Variants in ESRRG observed in about 807,000 individuals in gnomAD.
The protein encoded by ESRRG is estrogen related receptor gamma.
In ESRRG, 13 loss-of-function variants were observed where a neutral mutation model predicts 44.0. The ratio of observed to expected loss-of-function variants is 0.30; its 90% CI spans 0.19 to 0.47. The LOEUF (loss-of-function observed/expected upper bound fraction) is 0.47. ESRRG is among the 20% of genes least tolerant of loss of function. The pLI is 1.00. For synonymous variants in ESRRG, 215 were observed against 214.6 expected (o/e 1.00, Z -0.02); for missense variants, 395 against 580.6 (o/e 0.68, Z 3.29).
chr1:216,870,716 G>T (rs1202593007), intron 2 of ESRRG, among the ~76,000 whole-genome samples: 1 of 151,936 alleles, frequency 6.6e-6, no homozygotes, highest in East Asian at 1.9e-4. Context: ...TATCTTGGTA[G>T]TACTTCATGA....
At chr1:217,035,098 A>G (rs2082651254) in intron 1 of ESRRG, among the ~76,000 whole-genome samples, 2 of 152,154 alleles carry the variant, frequency 1.3e-5, no homozygotes, top group South Asian at 4.1e-4. Flanking sequence ...AGATTTCCTT[A>G]CAGGACTTGG....
At chr1:216,964,030 C>T (rs2069710611) in intron 1 of ESRRG, among the ~76,000 whole-genome samples, 1 of 152,118 alleles carries the variant, frequency 6.6e-6, no homozygotes, top group South Asian at 2.1e-4. Context: ...GCAGACAGAA[C>T]AGCAGATGCA....
intron 2 of ESRRG, among the ~76,000 whole-genome samples, chr1:216,734,294 G>A (rs2089457265): frequency 6.6e-6 from 1 of 152,106 alleles, no homozygotes; most frequent in African/African-American, 2.4e-5. Flanking sequence ...CATTGATATG[G>A]TTTGGCTATT....
chr1:216,979,306 C>G (rs1377552965), intron 1 of ESRRG, among the ~76,000 whole-genome samples: 1 of 152,112 alleles, frequency 6.6e-6, no homozygotes, highest in South Asian at 2.1e-4. Context: ...CCTCCCAACT[C>G]TCAACTAACT....
chr1:216,989,434 A>G (rs942620463), intron 1 of ESRRG, among the ~76,000 whole-genome samples: 6 of 151,616 alleles, frequency 4.0e-5, no homozygotes, highest in Non-Finnish European at 7.4e-5. Context: ...TCTCAAAAAA[A>G]AAAAAAAAAA....
At chr1:216,542,171 G>T (rs926387795) in intron 5 of ESRRG, among the ~76,000 whole-genome samples, 13 of 151,002 alleles carry the variant, frequency 8.6e-5, no homozygotes, top group Non-Finnish European at 1.8e-4. Context: ...CTTTTCATCT[G>T]GTTTATAAAG....
At chr1:216,719,130 C>T (rs1309379934) in intron 1 of ESRRG, among the ~76,000 whole-genome samples, 2 of 151,888 alleles carry the variant, frequency 1.3e-5, no homozygotes, top group African/African-American at 4.8e-5. Flanking sequence ...GTAAGTGATA[C>T]GGACTTGAGA....
intron 1 of ESRRG, among the ~76,000 whole-genome samples, chr1:216,703,114 G>C (rs994098600): frequency 2.6e-5 from 4 of 152,252 alleles, no homozygotes; most frequent in African/African-American, 9.6e-5. Flanking sequence ...TATCTAAGGA[G>C]TCTCAAGATA....
At chr1:216,591,701 G>C (rs1308157479) in intron 3 of ESRRG, among the ~76,000 whole-genome samples, 1 of 152,116 alleles carries the variant, frequency 6.6e-6, no homozygotes, top group African/African-American at 2.4e-5. Context: ...AGAGTTATGG[G>C]GATGTGTCAA....
chr1:216,722,543 C>T (rs1270898869), intron 1 of ESRRG, among the ~76,000 whole-genome samples: 1 of 152,130 alleles, frequency 6.6e-6, no homozygotes, highest in Non-Finnish European at 1.5e-5. Context: ...CAAATCCACA[C>T]TCTGAGCAGT....
rs11301281 is a variant in ESRRG at position 216,880,304 on chromosome 1, C to CAAAAAAAAAAAAAA, written c.-14+59264_-14+59277dup. On this transcript the variant is annotated intron_variant, in intron 2 of 7. Transcript: ENST00000359162. Reference sequence around the variant, plus strand: ...CCTGAGCGACAACAAGCCTCCCTCTCAAAAAAAAAAAAAAAAAAAAAAAAA... The same window carrying CAAAAAAAAAAAAAA: ...CCTGAGCGACAACAAGCCTCCCTCTCAAAAAAAAAAAAAAAAAAAAAAAAAAAAAAAAAAAAAAA... Among the ~76,000 whole-genome samples, 74 of 29,036 alleles carry CAAAAAAAAAAAAAA rather than the reference C, an allele frequency of 2.5e-3. 10 individuals are homozygous for CAAAAAAAAAAAAAA. Among genetic ancestry groups the CAAAAAAAAAAAAAA allele is most frequent in the Non-Finnish European group, 3.2e-3 (56 of 17,474 alleles). 19.0% of individuals were successfully genotyped at this position (29,036 alleles called of 152,430 possible).
At chr1:217,002,999 C>T (rs1225952447) in intron 1 of ESRRG, among the ~76,000 whole-genome samples, 4 of 152,124 alleles carry the variant, frequency 2.6e-5, no homozygotes, top group East Asian at 1.9e-4. Context: ...GTTACTCAAG[C>T]GCAGATAACT....
chr1:216,652,859 T>C (rs1331365111), intron 2 of ESRRG, among the ~76,000 whole-genome samples: 2 of 152,100 alleles, frequency 1.3e-5, no homozygotes, highest in Non-Finnish European at 2.9e-5. Context: ...TAATTAGTAT[T>C]CTACTACTAG....
chr1:217,082,784 C>T (rs2091854904), intron 1 of ESRRG, among the ~76,000 whole-genome samples: 2 of 152,092 alleles, frequency 1.3e-5, no homozygotes, highest in Non-Finnish European at 1.5e-5. Flanking sequence ...TTTCCTCACT[C>T]CCCCTGTTCA....
intron 2 of ESRRG, chr1:216,865,274 G>A (rs1305103343): frequency 7.0e-6 from 1 of 142,198 alleles, no homozygotes; most frequent in Non-Finnish European, 1.5e-5. Flanking sequence ...CATAGATTTT[G>A]TAGCACCTCA....
intron 2 of ESRRG, among the ~76,000 whole-genome samples, chr1:216,755,192 G>A (rs1328170678): frequency 1.3e-5 from 2 of 151,720 alleles, no homozygotes; most frequent in African/African-American, 4.8e-5. Flanking sequence ...TTTTTTCAAA[G>A]CAGCAAACTG....
chr1:217,009,701 T>C (rs970225630), intron 1 of ESRRG, among the ~76,000 whole-genome samples: 4 of 145,806 alleles, frequency 2.7e-5, no homozygotes, highest in Non-Finnish European at 6.0e-5. Flanking sequence ...TTTTTCTTTT[T>C]CTTTTTTTTT....
intron 2 of ESRRG, among the ~76,000 whole-genome samples, chr1:216,856,462 A>G (rs1403260042): frequency 2.6e-5 from 4 of 152,020 alleles, no homozygotes. Context: ...GAACAAGTCC[A>G]TCTCTGACAT....
At chr1:217,008,881 G>C (rs1186471393) in intron 1 of ESRRG, among the ~76,000 whole-genome samples, 1 of 152,120 alleles carries the variant, frequency 6.6e-6, no homozygotes, top group Admixed American at 6.5e-5. Flanking sequence ...CCAAAAACCA[G>C]GTATATTCTG....
Sources: gnomAD v4.1 joint callset for allele counts (sites outside exome capture counted in the v4.1 genomes callset) on GRCh38, gnomAD v4.1.1 for gene constraint, MANE v1.5 for transcripts, NCBI Gene and HGNC (gene_info 2026-07-23, HGNC 2026-07-21) for gene names.